Variants in CCSER1 observed in about 807,000 individuals in gnomAD.
CCSER1 encodes the protein serine-rich coiled-coil domain-containing protein 1.
Under a neutral mutation model 82.0 loss-of-function variants are expected in CCSER1, and 41 were observed. The ratio of observed to expected loss-of-function variants is 0.50; its 90% confidence interval spans 0.39 to 0.65. The LOEUF is 0.65. Ranked by LOEUF, CCSER1 falls within the 30% of genes least tolerant of loss-of-function variation. CCSER1 has a pLI of 0.00. For synonymous variants in CCSER1, 414 were observed against 383.9 expected, an observed-to-expected ratio of 1.08 and a Z score of -0.92; for missense variants, 1,119 against 1,064.2, an observed-to-expected ratio of 1.05 and a Z score of -0.72.
intron 10 of CCSER1, among the ~76,000 whole-genome samples, chr4:91,468,598 A>C (rs1397337003): frequency 6.6e-6 from 1 of 152,032 alleles, no homozygotes. Context: ...GTTATGTTTT[A>C]TTAGTAATCC....
chr4:91,476,179 T>C (rs983299614), intron 10 of CCSER1, among the ~76,000 whole-genome samples: 1 of 151,820 alleles, frequency 6.6e-6, no homozygotes, highest in Non-Finnish European at 1.5e-5. Flanking sequence ...GTAGATTATA[T>C]GGTAGTTCTA....
chr4:90,478,742 T>TA (rs1287784833), intron 5 of CCSER1, among the ~76,000 whole-genome samples: 1 of 150,524 alleles, frequency 6.6e-6, no homozygotes, highest in Non-Finnish European at 1.5e-5. Flanking sequence ...TTTTTTTTTT[T>TA]TTTTTTTATT....
chr4:91,399,500 A>C (rs1488415566), intron 10 of CCSER1, among the ~76,000 whole-genome samples: 1 of 151,964 alleles, frequency 6.6e-6, no homozygotes, highest in Non-Finnish European at 1.5e-5. Context: ...TCAGAGGGGT[A>C]ATCAATTCCT....
At chr4:90,970,347 C>CA in intron 9 of CCSER1, among the ~76,000 whole-genome samples, 1 of 151,310 alleles carries the variant, frequency 6.6e-6, no homozygotes, top group Non-Finnish European at 1.5e-5. Context: ...GAAATTGTCA[C>CA]AAAAAACCAA....
chr4:90,897,890 T>C (rs1723958739), intron 8 of CCSER1, among the ~76,000 whole-genome samples: 1 of 152,120 alleles, frequency 6.6e-6, no homozygotes, highest in Admixed American at 6.6e-5. Context: ...TTTTCATATG[T>C]TTGTTGGCAA....
At chr4:90,626,480 T>G (rs546148721) in intron 5 of CCSER1, among the ~76,000 whole-genome samples, 34 of 152,346 alleles carry the variant, frequency 2.2e-4, no homozygotes, top group Admixed American at 1.9e-3. Flanking sequence ...TCGTTGCAAT[T>G]AGACATAATA....
intron 3 of CCSER1, among the ~76,000 whole-genome samples, chr4:90,351,719 C>G (rs1743473317): frequency 6.6e-6 from 1 of 152,170 alleles, no homozygotes; most frequent in South Asian, 2.1e-4. Context: ...ATGAAACACA[C>G]ACACATTCTT....
chr4:90,359,697 A>C (rs1205020127), intron 3 of CCSER1, among the ~76,000 whole-genome samples: 11 of 151,952 alleles, frequency 7.2e-5, no homozygotes, highest in Admixed American at 2.6e-4. Context: ...ACATGTCACC[A>C]CTGCACTCCA....
chr4:90,188,759 CA>C (rs1735091341), intron 1 of CCSER1, among the ~76,000 whole-genome samples: 2 of 151,724 alleles, frequency 1.3e-5, no homozygotes, highest in Non-Finnish European at 2.9e-5. Context: ...GGACTCCTCC[CA>C]AAAAATAAAT....
intron 10 of CCSER1, among the ~76,000 whole-genome samples, chr4:91,575,286 A>G (rs1763395592): frequency 6.6e-6 from 1 of 152,036 alleles, no homozygotes; most frequent in Non-Finnish European, 1.5e-5. Context: ...CCAGGAGAAA[A>G]ACTCATTGAC....
intron 8 of CCSER1, among the ~76,000 whole-genome samples, chr4:90,865,931 T>A (rs936458467): frequency 2.6e-5 from 4 of 151,942 alleles, no homozygotes; most frequent in African/African-American, 9.7e-5. Flanking sequence ...CTCAGGATAC[T>A]TTCAATCATG....
chr4:91,336,444 C>G (rs2149282319), intron 10 of CCSER1, among the ~76,000 whole-genome samples: 1 of 152,162 alleles, frequency 6.6e-6, no homozygotes, highest in South Asian at 2.1e-4. Flanking sequence ...CTAGTATTTG[C>G]TACGCTATGC....
rs181370030 is a variant in CCSER1 at position 90,145,778 on chromosome 4, A to G, written c.-42+17947A>G. On this transcript the variant is annotated intron_variant, in intron 1 of 10. Coordinates refer to ENST00000509176, the MANE Select transcript of CCSER1 (RefSeq NM_001145065.2). Reference sequence around the variant, plus strand: ...TTTGGAGTTTTTAAAATCTGGAGCTAAAATTAAGCATCCTTGCCTAATATG... The same window carrying G: ...TTTGGAGTTTTTAAAATCTGGAGCTGAAATTAAGCATCCTTGCCTAATATG... Among the ~76,000 whole-genome samples, 80 of 152,242 alleles carry G rather than the reference A, an allele frequency of 5.3e-4. No individual in the cohort carries two copies. The East Asian group carries it at 0.014, about 27-fold the overall frequency.
intron 10 of CCSER1, among the ~76,000 whole-genome samples, chr4:91,481,604 T>C (rs933217614): frequency 2.0e-5 from 3 of 152,194 alleles, no homozygotes; most frequent in Non-Finnish European, 2.9e-5. Flanking sequence ...GATTGCAAGC[T>C]ATTCCACAAA....
chr4:90,712,175 C>G (rs1369622394), intron 6 of CCSER1, among the ~76,000 whole-genome samples: 1 of 151,890 alleles, frequency 6.6e-6, no homozygotes, highest in Non-Finnish European at 1.5e-5. Flanking sequence ...TATTTCTTGT[C>G]TTCCGCTAGT....
chr4:90,949,732 C>A (rs1290996706), intron 9 of CCSER1, among the ~76,000 whole-genome samples: 1 of 152,006 alleles, frequency 6.6e-6, no homozygotes, highest in African/African-American at 2.4e-5. Flanking sequence ...TTATTCCTAA[C>A]CTATGGCATT....
intron 10 of CCSER1, among the ~76,000 whole-genome samples, chr4:91,306,743 C>G (rs1249460877): frequency 6.6e-6 from 1 of 151,996 alleles, no homozygotes; most frequent in Non-Finnish European, 1.5e-5. Context: ...ACTGTTCTCA[C>G]AATGAAGTGT....
At chr4:91,582,929 A>G (rs965637198) in intron 10 of CCSER1, among the ~76,000 whole-genome samples, 1 of 151,448 alleles carries the variant, frequency 6.6e-6, no homozygotes, top group African/African-American at 2.4e-5. Flanking sequence ...ATTTTTACTT[A>G]TGAGAAAATT....
intron 4 of CCSER1, among the ~76,000 whole-genome samples, chr4:90,413,981 AATATATATATATAT>A (rs70963066): frequency 1.0e-3 from 54 of 52,454 alleles, no homozygotes; most frequent in African/African-American, 5.5e-3. Context: ...AAAAAAAAAA[AATATATATATATAT>A]ATATATATAT....
Sources: allele counts gnomAD v4.1 joint callset (sites outside exome capture counted in the v4.1 genomes callset), GRCh38; gene constraint gnomAD v4.1.1; transcripts MANE v1.5; gene names NCBI Gene and HGNC (gene_info 2026-07-23, HGNC 2026-07-21).